Variants in PRR16 observed in about 807,000 individuals in gnomAD.
The protein encoded by PRR16 is proline rich 16.
Under a neutral mutation model 18.2 loss-of-function variants are expected in PRR16, and 6 were observed. The observed-to-expected ratio is 0.33, with a 90% CI of 0.18 to 0.65. The LOEUF is 0.65. Ranked by LOEUF, PRR16 falls within the 30% of genes least tolerant of loss-of-function variation. The probability of loss-of-function intolerance (pLI) is 0.74; values close to 1 mark genes in which losing one functional copy is unlikely to be tolerated. For synonymous variants in PRR16, 151 were observed against 147.8 expected (o/e 1.02, Z -0.16); for missense variants, 412 against 376.6 (o/e 1.09, Z -0.78).
the PRR16 span, among the ~76,000 whole-genome samples, chr5:120,754,220 A>AAT: frequency 1.7e-4 from 11 of 63,934 alleles, no homozygotes; most frequent in South Asian, 9.5e-4. Context: ...ATATATTATA[A>AAT]TATATAATAT....
At chr5:120,698,684 G>C in the PRR16 span, among the ~76,000 whole-genome samples, 16,290 of 151,896 alleles carry the variant, frequency 0.11, 1,086 homozygotes, top group Non-Finnish European at 0.14. Flanking sequence ...CTTAAATGGG[G>C]TGTACCTTGT....
At chr5:120,773,910 A>C in the PRR16 span, among the ~76,000 whole-genome samples, 1 of 152,178 alleles carries the variant, frequency 6.6e-6, no homozygotes, top group South Asian at 2.1e-4. Flanking sequence ...ATTGAATATT[A>C]ATAAGCATCT....
the PRR16 span, among the ~76,000 whole-genome samples, chr5:120,730,525 G>T: frequency 6.6e-6 from 1 of 152,118 alleles, no homozygotes; most frequent in East Asian, 1.9e-4. Context: ...ACCAGTGAAG[G>T]TTCATGAAGA....
intron 1 of PRR16, among the ~76,000 whole-genome samples, chr5:120,659,745 G>A (rs1358280592): frequency 6.6e-5 from 10 of 151,800 alleles, no homozygotes; most frequent in Admixed American, 1.3e-4. Context: ...ATACTTGAAC[G>A]GCAGCTTGGC....
At chr5:120,744,066 A>G in the PRR16 span, among the ~76,000 whole-genome samples, 9 of 151,928 alleles carry the variant, frequency 5.9e-5, no homozygotes, top group Non-Finnish European at 1.2e-4. Flanking sequence ...TCACTGTACA[A>G]TGTACATAAA....
chr5:120,598,264 T>C (rs895776531), intron 1 of PRR16, among the ~76,000 whole-genome samples: 4 of 151,868 alleles, frequency 2.6e-5, no homozygotes, highest in African/African-American at 9.7e-5. Flanking sequence ...TCCTCTTTTT[T>C]ATACAGCATA....
rs1382245797 is a variant in PRR16 at position 120,638,875 on chromosome 5, A to T, written c.160-47079A>T. 4.6e-5 allele frequency among the ~76,000 whole-genome samples: 7 copies of T among 152,212 alleles called. No homozygotes were observed. The South Asian group carries it at 6.2e-4, about 14-fold the overall frequency. ...CAATTTATAATAATGGCCCCAATAT[A>T]ATGAATCATCTAATCTAATATAGGA... On this transcript the variant is annotated intron_variant, in intron 1 of 1. Coordinates refer to ENST00000407149, the MANE Select transcript of PRR16 (RefSeq NM_001300783.2).
At chr5:120,490,246 T>A (rs992675879) in intron 1 of PRR16, among the ~76,000 whole-genome samples, 9 of 152,190 alleles carry the variant, frequency 5.9e-5, no homozygotes, top group African/African-American at 1.4e-4. Flanking sequence ...CTGCAGAGTG[T>A]TTTCCATCTT....
intron 1 of PRR16, among the ~76,000 whole-genome samples, chr5:120,524,212 A>G (rs1439495370): frequency 1.3e-5 from 2 of 152,170 alleles, no homozygotes; most frequent in Non-Finnish European, 2.9e-5. Context: ...TTTCTGCAGG[A>G]TATAGTTTTT....
chr5:120,549,715 A>G (rs1752192453), intron 1 of PRR16, among the ~76,000 whole-genome samples: 1 of 152,018 alleles, frequency 6.6e-6, no homozygotes, highest in Admixed American at 6.6e-5. Flanking sequence ...TAAGCTTATT[A>G]TATTTTATGG....
chr5:120,792,132 A>G, the PRR16 span, among the ~76,000 whole-genome samples: 3 of 152,152 alleles, frequency 2.0e-5, no homozygotes, highest in Non-Finnish European at 2.9e-5. Context: ...AATAAAATTA[A>G]TCAAGCATAT....
chr5:120,760,346 T>C, the PRR16 span, among the ~76,000 whole-genome samples: 6 of 152,138 alleles, frequency 3.9e-5, no homozygotes, highest in African/African-American at 7.2e-5. Flanking sequence ...AATAGAATTA[T>C]ACAATATACC....
the PRR16 span, among the ~76,000 whole-genome samples, chr5:120,752,639 A>T: frequency 6.6e-6 from 1 of 152,042 alleles, no homozygotes; most frequent in Non-Finnish European, 1.5e-5. Context: ...ATATTCCTAG[A>T]TTGTGTAACA....
chr5:120,545,713 T>C (rs1752054379), intron 1 of PRR16, among the ~76,000 whole-genome samples: 1 of 152,132 alleles, frequency 6.6e-6, no homozygotes, highest in African/African-American at 2.4e-5. Flanking sequence ...ATTACACTGC[T>C]CTTAGTGAAT....
intron 1 of PRR16, among the ~76,000 whole-genome samples, chr5:120,591,669 T>G (rs952338053): frequency 3.3e-5 from 5 of 152,106 alleles, no homozygotes; most frequent in African/African-American, 1.2e-4. Flanking sequence ...GAATTATTTG[T>G]ATAATTACTT....
At chr5:120,482,117 T>C (rs1749637902) in intron 1 of PRR16, among the ~76,000 whole-genome samples, 1 of 152,316 alleles carries the variant, frequency 6.6e-6, no homozygotes, top group South Asian at 2.1e-4. Flanking sequence ...ATATTTTGTT[T>C]CTTTTTTAAA....
At chr5:120,721,608 T>C in the PRR16 span, among the ~76,000 whole-genome samples, 3 of 151,998 alleles carry the variant, frequency 2.0e-5, no homozygotes, top group African/African-American at 7.2e-5. Context: ...GTGTGCCAAA[T>C]TGTTGTGAGC....
At chr5:120,481,787 G>A (rs566239737) in intron 1 of PRR16, among the ~76,000 whole-genome samples, 2 of 152,196 alleles carry the variant, frequency 1.3e-5, no homozygotes, top group South Asian at 2.1e-4. Context: ...TGTGAAATTT[G>A]TTTCAATTTG....
intron 1 of PRR16, among the ~76,000 whole-genome samples, chr5:120,565,989 A>C (rs534098575): frequency 1.3e-5 from 2 of 152,188 alleles, no homozygotes; most frequent in African/African-American, 4.8e-5. Context: ...TAACTATGGC[A>C]TGGTTGATGC....
Sources: gnomAD v4.1 joint callset for allele counts (sites outside exome capture counted in the v4.1 genomes callset) on GRCh38, gnomAD v4.1.1 for gene constraint, MANE v1.5 for transcripts, NCBI Gene and HGNC (gene_info 2026-07-23, HGNC 2026-07-21) for gene names.